ADAMTS6: variants seen among roughly 807,000 people sequenced by gnomAD.
The protein encoded by ADAMTS6 is ADAM metallopeptidase with thrombospondin type 1 motif 6.
A neutral mutation model predicts 144.3 loss-of-function variants in ADAMTS6; 23 were observed. That is an observed-to-expected ratio of 0.16 (90% confidence interval 0.11 to 0.23). ADAMTS6 has a LOEUF of 0.23. ADAMTS6 is among the 10% of genes least tolerant of loss of function. ADAMTS6 has a pLI of 1.00. For synonymous variants in ADAMTS6, 444 were observed against 457.5 expected, an observed-to-expected ratio of 0.97 and a Z score of 0.38; for missense variants, 999 against 1,379.6, an observed-to-expected ratio of 0.72 and a Z score of 4.37.
intron 9 of ADAMTS6, among the ~76,000 whole-genome samples, chr5:65,306,745 CAT>C (rs1372820179): frequency 1.3e-5 from 2 of 152,202 alleles, no homozygotes; most frequent in African/African-American, 4.8e-5. Context: ...TTGTGCCAAA[CAT>C]AGTAGGTATA....
rs1580252570 is a variant in ADAMTS6 at position 65,271,936 on chromosome 5, T to G, written c.1620+1404A>C. On this transcript the variant is annotated intron_variant, in intron 12 of 24. Transcript: ENST00000381055. Reference sequence around the variant, plus strand: ...ATTTCTTTGTATTTTTATTGGCTACTTACAATATCTTAAAAAAAAAGATTC... The same window carrying G: ...ATTTCTTTGTATTTTTATTGGCTACGTACAATATCTTAAAAAAAAAGATTC... 2.0e-5 allele frequency among the ~76,000 whole-genome samples: 3 copies of G among 152,174 alleles called. No homozygotes were observed. In the East Asian group the frequency reaches 5.8e-4, roughly 29 times the overall value.
At chr5:65,291,610 CA>C in intron 10 of ADAMTS6, 140 bp from the exon 11 acceptor site, 1 of 868,320 alleles carries the variant, frequency 1.2e-6, no homozygotes, top group Non-Finnish European at 1.6e-6. Flanking sequence ...AATCACATGG[CA>C]GAACAGAATA....
intron 23 of ADAMTS6, 119 bp from the exon 24 acceptor site, chr5:65,170,892 C>T: frequency 9.1e-7 from 1 of 1,098,590 alleles, no homozygotes; most frequent in Non-Finnish European, 1.3e-6. Context: ...TCTTTTGAGA[C>T]ACAGCGTCTT....
intron 6 of ADAMTS6, 131 bp from the exon 7 acceptor site, chr5:65,451,751 T>C (rs546342241): frequency 1.9e-6 from 2 of 1,065,098 alleles, no homozygotes; most frequent in Non-Finnish European, 2.7e-6. Flanking sequence ...CCAATTTTTA[T>C]CTCTGTAATA....
In ADAMTS6 at chr5:65,369,109, A is replaced by G. The variant is rs374211308; in HGVS notation, c.1074-35024T>C. On this transcript the variant is annotated intron_variant, in intron 7 of 24. Transcript: ENST00000381055. ...GTGATGCATGTCTGTAGTCCCAGCT[A>G]CCCCAGAGGCTGAGTTGGGAGGATC... Among the ~76,000 whole-genome samples the G allele has an allele frequency of 4.6e-5, 7 of 152,194 alleles. No homozygotes were observed. The East Asian group carries it at 7.7e-4, about 17-fold the overall frequency.
rs372492287 is a variant in ADAMTS6 at position 65,160,689 on chromosome 5, G to C, written c.3245-8744C>G. The stretch of plus-strand genomic sequence containing the variant: ...TTTTTTGAGACAGAGTTTTGCTCTT[G>C]TTGCCCAGGCTGGAGTGCAATGGCG... On this transcript the variant is annotated intron_variant, in intron 24 of 24. Transcript: ENST00000381055. Among the ~76,000 whole-genome samples the C allele has an allele frequency of 8.9e-5, 10 of 112,044 alleles. No homozygotes were observed. In the East Asian group the frequency reaches 1.7e-3, roughly 19 times the overall value. 73.5% of individuals were successfully genotyped at this position (112,044 alleles called of 152,430 possible).
chr5:65,277,092 C>T (rs1206411156), intron 11 of ADAMTS6, among the ~76,000 whole-genome samples: 1 of 152,148 alleles, frequency 6.6e-6, no homozygotes, highest in African/African-American at 2.4e-5. Context: ...AAGTTATCCA[C>T]AGTCCCCACT....
chr5:65,338,371 C>A (rs1261569611), intron 7 of ADAMTS6, among the ~76,000 whole-genome samples: 1 of 152,182 alleles, frequency 6.6e-6, no homozygotes, highest in African/African-American at 2.4e-5. Flanking sequence ...TGAGCAAGAT[C>A]AAAACTAGAG....
At chr5:65,421,962 G>A (rs1580670497) in intron 7 of ADAMTS6, among the ~76,000 whole-genome samples, 1 of 152,018 alleles carries the variant, frequency 6.6e-6, no homozygotes, top group African/African-American at 2.4e-5. Context: ...TAAATAAATG[G>A]GACCTTGTTA....
intron 7 of ADAMTS6, among the ~76,000 whole-genome samples, chr5:65,406,216 T>C (rs1269293348): frequency 6.6e-6 from 1 of 152,210 alleles, no homozygotes; most frequent in African/African-American, 2.4e-5. Context: ...GGCATCCTTG[T>C]CTTGCACCAG....
intron 15 of ADAMTS6, among the ~76,000 whole-genome samples, chr5:65,228,249 A>G (rs1318842294): frequency 6.6e-6 from 1 of 150,470 alleles, no homozygotes; most frequent in African/African-American, 2.5e-5. Flanking sequence ...TTAGGCTTTA[A>G]AAAGAGAAGC....
At chr5:65,262,691 G>T in intron 13 of ADAMTS6, 126 bp downstream of exon 13, 1 of 1,153,166 alleles carries the variant, frequency 8.7e-7, no homozygotes, top group Non-Finnish European at 1.1e-6. Context: ...TGTGCCTATG[G>T]CTTGTTCTGA....
At chr5:65,430,651 CA>C (rs1260260914) in intron 7 of ADAMTS6, among the ~76,000 whole-genome samples, 4 of 152,058 alleles carry the variant, frequency 2.6e-5, no homozygotes, top group Non-Finnish European at 4.4e-5. Flanking sequence ...AGCAGTTTTT[CA>C]AAATGAACAG....
chr5:65,291,502 G>C, intron 10 of ADAMTS6, 32 bp from the exon 11 acceptor site: 1 of 1,571,804 alleles, frequency 6.4e-7, no homozygotes, highest in Non-Finnish European at 8.6e-7. Flanking sequence ...AGGAAATTAG[G>C]TATTCTATGG....
intron 7 of ADAMTS6, among the ~76,000 whole-genome samples, chr5:65,411,905 T>C (rs548909922): frequency 3.3e-5 from 5 of 152,320 alleles, no homozygotes; most frequent in Middle Eastern, 3.4e-3. Flanking sequence ...TGCCATACTA[T>C]GTATCCCATG....
chr5:65,324,255 T>C (rs558075921), intron 9 of ADAMTS6, among the ~76,000 whole-genome samples: 3 of 152,194 alleles, frequency 2.0e-5, no homozygotes, highest in Non-Finnish European at 4.4e-5. Context: ...GGAAAAAAGA[T>C]GAACCTCAAC....
intron 18 of ADAMTS6, among the ~76,000 whole-genome samples, chr5:65,222,203 C>T (rs1757369420): frequency 6.6e-6 from 1 of 152,264 alleles, no homozygotes; most frequent in African/African-American, 2.4e-5. Flanking sequence ...ACTAATGCTT[C>T]TGGATTTCAA....
intron 1 of ADAMTS6, among the ~76,000 whole-genome samples, chr5:65,475,507 G>A (rs1242605482): frequency 6.6e-6 from 1 of 152,156 alleles, no homozygotes; most frequent in Non-Finnish European, 1.5e-5. Flanking sequence ...AAGGCAGACT[G>A]ACAAATGCCG....
At chr5:65,371,069 T>A (rs1750849432) in intron 7 of ADAMTS6, among the ~76,000 whole-genome samples, 1 of 152,162 alleles carries the variant, frequency 6.6e-6, no homozygotes, top group African/African-American at 2.4e-5. Flanking sequence ...GTGTCCTGTC[T>A]GTTAGAAGGA....
Sources: gnomAD v4.1 joint callset for allele counts (sites outside exome capture counted in the v4.1 genomes callset) on GRCh38, gnomAD v4.1.1 for gene constraint, MANE v1.5 for transcripts, NCBI Gene and HGNC (gene_info 2026-07-23, HGNC 2026-07-21) for gene names.